RPL15: variants seen among roughly 807,000 people sequenced by gnomAD.
The protein encoded by RPL15 is ribosomal protein L15.
For missense variants in RPL15, 161 were observed against 271.8 expected, an observed-to-expected ratio of 0.59 and a Z score of 2.87; for synonymous variants, 97 against 95.1, an observed-to-expected ratio of 1.02 and a Z score of -0.12.
At chr3:23,921,627 T>A, downstream of RPL15, 1 of 639,752 alleles carries the variant, frequency 1.6e-6, no homozygotes, top group South Asian at 1.6e-5. Context: ...CAGGTGGGAG[T>A]GCAGTGGGGC....
chr3:23,922,031 A>T, downstream of RPL15: 2 of 158,666 alleles, frequency 1.3e-5, no homozygotes, highest in Middle Eastern at 3.2e-3. This position sits in a 1 kb window ranked among gnomAD's most constrained non-coding sequence, Gnocchi z 4.2. Context: ...AATAACAACA[A>T]TTGGCTGGGT....
rs754454565 is a variant in RPL15, at chr3:23,918,447, T to C, written c.180T>C (p.Val60=). 11 of 1,612,360 alleles carry C rather than the reference T, an allele frequency of 6.8e-6. No homozygotes were observed. Among genetic ancestry groups the C allele is most frequent in the African/African-American group, 1.3e-5 (1 of 74,872 alleles). The change falls in exon 3 of 4, where the codon GTT becomes GTC. Residue 60 remains valine, a synonymous_variant. Transcript: ENST00000307839. The part of the protein sequence containing the change: ...RLGYKAKQGY[V]IYRIRVRRGG... The stretch of plus-strand genomic sequence containing the variant: ...GTGTGTGTTTGTGTGTAGGTTACGT[T>C]ATATATAGGATTCGTGTTCGCCGTG...
chr3:23,917,466 G>A (rs1256874750), intron 1 of RPL15: 1 of 159,112 alleles, frequency 6.3e-6, no homozygotes, highest in Admixed American at 6.5e-5. Flanking sequence ...GGTTGGGTGG[G>A]GTAGATGCAT....
In RPL15 at chr3:23,920,116, T is replaced by C. The variant is rs1364824730; in HGVS notation, c.*615T>C. 1.4e-5 allele frequency: 14 copies of C among 985,738 alleles called. No individual in the cohort carries two copies. Among genetic ancestry groups the C allele is most frequent in the Non-Finnish European group, 1.6e-5 (13 of 829,946 alleles). The allele number at this position is 985,738 out of a possible 1,614,324, so 61.1% of individuals were successfully genotyped here. ...TGCGATAAAATTATTAGCCTTAAGA[T>C]TGGTAAGCTAGCAATGAATGCTAGG... On this transcript the variant is annotated 3_prime_UTR_variant, in exon 4 of 4. Coordinates refer to ENST00000307839, the MANE Select transcript of RPL15 (RefSeq NM_002948.5).
At chr3:23,917,675 C>G (rs1704715678) in intron 1 of RPL15, 175 bp from the exon 2 acceptor site, 1 of 614,352 alleles carries the variant, frequency 1.6e-6, no homozygotes, top group African/African-American at 1.9e-5. Flanking sequence ...AGTGACTGAA[C>G]GCGGCTCCGT....
intron 1 of RPL15, 107 bp from the exon 2 acceptor site, chr3:23,917,743 C>A: frequency 8.6e-7 from 1 of 1,167,142 alleles, no homozygotes; most frequent in South Asian, 1.5e-5. Context: ...GAGCCATTTT[C>A]ATTCCCGGCG....
Position 23,919,689 on chromosome 3 carries a change from A to T in RPL15, c.*188A>T. On this transcript the variant is annotated 3_prime_UTR_variant, in exon 4 of 4. Transcript: ENST00000307839. Reference sequence around the variant, plus strand: ...TGGTGTATCTTGTTTCTAATAAGATAAACTTTTTTGTCTTTGCTTTATCTT... The same window carrying T: ...TGGTGTATCTTGTTTCTAATAAGATTAACTTTTTTGTCTTTGCTTTATCTT... The T allele has an allele frequency of 7.2e-7, 1 of 1,390,556 alleles. No individual in the cohort carries two copies. Among genetic ancestry groups the T allele is most frequent in the South Asian group, 1.8e-5 (1 of 55,110 alleles). The allele number at this position is 1,390,556 out of a possible 1,614,324, so 86.1% of individuals were successfully genotyped here.
At position 23,919,392 on chromosome 3, in the gene RPL15, G is replaced by T. The variant is rs769387719; in HGVS notation, c.506G>T (p.Arg169Leu). Residue 169 changes from arginine to leucine, a missense_variant, in exon 4 of 4, where the codon CGA (arginine) becomes CTA (leucine). Coordinates refer to ENST00000307839, the MANE Select transcript of RPL15 (RefSeq NM_002948.5). The stretch of plus-strand genomic sequence containing the variant: ...ATGCGTGGGCTGACATCTGCAGGCC[G>T]AAAGAGCCGTGGCCTTGGAAAGGGC... ...REMRGLTSAG[R>L]KSRGLGKGHK... The T allele has an allele frequency of 3.7e-6, 6 of 1,602,968 alleles. No individual in the cohort carries two copies. In the East Asian group the frequency reaches 8.9e-5, roughly 24 times the overall value.
chr3:23,919,977 C>T lies in RPL15; in HGVS notation c.*476C>T. On this transcript the variant is annotated 3_prime_UTR_variant, in exon 4 of 4. Transcript: ENST00000307839. ...CTGAAGAAAATTGCCTCAGCCTCCA[C>T]AGTACCATTTTAAATTCACATAAAA... 1.0e-6 allele frequency: 1 copy of T among 987,900 alleles called. No homozygotes were observed. Among genetic ancestry groups the T allele is most frequent in the Non-Finnish European group, 1.2e-6 (1 of 831,396 alleles). The allele number at this position is 987,900 out of a possible 1,614,324, so 61.2% of individuals were successfully genotyped here.
rs1705001468 is a variant in RPL15, at chr3:23,920,273, A to T, written c.*772A>T. On this transcript the variant is annotated 3_prime_UTR_variant, in exon 4 of 4. Transcript: ENST00000307839. The stretch of plus-strand genomic sequence containing the variant: ...ATCCCTTCAGTCACATTAGGGGGAA[A>T]GTAGTTGGCTATAAGTACGTCATTC... The T allele has an allele frequency of 1.0e-6, 1 of 985,664 alleles. No individual in the cohort carries two copies. Among genetic ancestry groups the T allele is most frequent in the Non-Finnish European group, 1.2e-6 (1 of 829,884 alleles). The allele number at this position is 985,664 out of a possible 1,614,324, so 61.1% of individuals were successfully genotyped here. A position where few individuals can be genotyped will look rare whatever the true frequency, so the allele number is the denominator to read the frequency against.
chr3:23,916,821 C>T (rs1190090552), upstream of RPL15: 2 of 152,756 alleles, frequency 1.3e-5, no homozygotes, highest in Non-Finnish European at 2.9e-5. Flanking sequence ...GCGGCTCCAC[C>T]GCGGTACGCG....
chr3:23,919,157 A>G (rs767559739), intron 3 of RPL15, 39 bp from the exon 4 acceptor site: 11 of 1,387,618 alleles, frequency 7.9e-6, no homozygotes, highest in African/African-American at 1.4e-5. Context: ...GCTATAGGCA[A>G]TGTGGGAGAT....
chr3:23,917,566 C>T, intron 1 of RPL15: 2 of 311,824 alleles, frequency 6.4e-6, no homozygotes, highest in South Asian at 5.2e-5. Context: ...TTGGGGACGC[C>T]GCCTGCCGCA....
downstream of RPL15, chr3:23,921,891 T>TA (rs1705100182): frequency 2.3e-6 from 1 of 442,780 alleles, no homozygotes; most frequent in Admixed American, 4.1e-5. Flanking sequence ...TTATTTTTTG[T>TA]ACAGACAGGA....
Position 23,919,835 on chromosome 3 carries a change from C to G in RPL15, c.*334C>G. On this transcript the variant is annotated 3_prime_UTR_variant, in exon 4 of 4. Coordinates refer to ENST00000307839, the MANE Select transcript of RPL15 (RefSeq NM_002948.5). ...ATTTGTCTGGTGCATGTGATGAAAC[C>G]TGCAGCTTTATCGGAGTGATGGCAA... The G allele has an allele frequency of 9.7e-7, 1 of 1,032,586 alleles. No individual in the cohort carries two copies. 64.0% of individuals were successfully genotyped at this position (1,032,586 alleles called of 1,614,324 possible). A position where few individuals can be genotyped will look rare whatever the true frequency, so the allele number is the denominator to read the frequency against.
Position 23,919,249 on chromosome 3 carries a change from T to C in RPL15, c.363T>C (p.Val121=), listed in dbSNP as rs747729430. 4 of 1,613,592 alleles carry C rather than the reference T, an allele frequency of 2.5e-6. No individual in the cohort carries two copies. The Admixed American group carries it at 6.7e-5, about 27-fold the overall frequency. Residue 121 remains valine (V), a synonymous_variant, in exon 4 of 4, where the codon GTT becomes GTC. Transcript: ENST00000307839. Reference sequence around the variant, plus strand: ...TGAGAGTCCTGAATTCTTACTGGGTTGGTGAAGATTCCACATACAAATTTT... The same window carrying C: ...TGAGAGTCCTGAATTCTTACTGGGTCGGTGAAGATTCCACATACAAATTTT... The part of the protein sequence containing the change: ...GALRVLNSYW[V]GEDSTYKFFE...
chr3:23,923,107 A>G (rs1705141327), downstream of RPL15: 1 of 152,040 alleles, frequency 6.6e-6, no homozygotes, highest in East Asian at 1.9e-4. Context: ...CCTGGCCTAC[A>G]TATGTATTTT....
upstream of RPL15, chr3:23,916,929 T>C (rs1049744232): frequency 1.3e-5 from 2 of 152,650 alleles, no homozygotes; most frequent in African/African-American, 2.4e-5. Flanking sequence ...GCCAACTCTC[T>C]CACCTCTCGA....
chr3:23,918,594 G>C lies in RPL15; in HGVS notation c.309+18G>C. 4 of 1,611,762 alleles carry C rather than the reference G, an allele frequency of 2.5e-6. No homozygotes were observed. The highest frequency in any genetic ancestry group is 1.7e-4 in the Middle Eastern group (1 of 6,054). ...TTGCAGAGGTAAATGGTTTTGAGTA[G>C]CAGTTATATTGAATACTGCCTGGGG... is the stretch of plus-strand genomic sequence containing the variant. On this transcript the variant is annotated intron_variant, in intron 3 of 3. Transcript: ENST00000307839.
Sources: allele counts gnomAD v4.1 joint callset, GRCh38; gene constraint gnomAD v4.1.1; non-coding constraint Gnocchi (gnomAD v3.1); transcripts MANE v1.5; gene names NCBI Gene and HGNC (gene_info 2026-07-23, HGNC 2026-07-21).